Variants in VPS26A observed in about 807,000 individuals in gnomAD.
The protein encoded by VPS26A is VPS26 retromer complex component A, also known as vacuolar protein sorting-associated protein 26A.
In VPS26A, 22 loss-of-function variants were observed where a neutral mutation model predicts 42.4. The ratio of observed to expected loss-of-function variants is 0.52; its 90% CI spans 0.37 to 0.74. The LOEUF (loss-of-function observed/expected upper bound fraction) is 0.74. Among genes scored for constraint, VPS26A ranks in the 30% least tolerant of loss-of-function variants. The pLI is 0.00. For synonymous variants in VPS26A, 110 were observed against 123.5 expected (o/e 0.89, Z 0.73); for missense variants, 276 against 379.2 (o/e 0.73, Z 2.26).
At chr10:69,157,293 ATAC>A in intron 4 of VPS26A, 130 bp downstream of exon 4, 1 of 1,213,454 alleles carries the variant, frequency 8.2e-7, no homozygotes, top group Non-Finnish European at 1.1e-6. Flanking sequence ...ATTCTGTCAC[ATAC>A]TTTGGCTAAT....
At chr10:69,156,604 T>C (rs1841434126) in intron 3 of VPS26A, among the ~76,000 whole-genome samples, 1 of 152,136 alleles carries the variant, frequency 6.6e-6, no homozygotes, top group Non-Finnish European at 1.5e-5. Flanking sequence ...AGGCAAGTTG[T>C]AGTAATTGAT....
At chr10:69,132,553 CT>C (rs1209810821) in intron 1 of VPS26A, among the ~76,000 whole-genome samples, 1 of 151,740 alleles carries the variant, frequency 6.6e-6, no homozygotes, top group Non-Finnish European at 1.5e-5. Flanking sequence ...AGTGATTCCC[CT>C]GTCTCAGCCT....
intron 1 of VPS26A, among the ~76,000 whole-genome samples, chr10:69,124,525 C>G (rs769285982): frequency 5.1e-4 from 78 of 152,198 alleles, no homozygotes; most frequent in Non-Finnish European, 9.7e-4. Flanking sequence ...GGAGCCTCTG[C>G]CCGCGTTCTT....
At chr10:69,126,644 TCTTTC>T (rs1306590587) in intron 1 of VPS26A, among the ~76,000 whole-genome samples, 1 of 152,168 alleles carries the variant, frequency 6.6e-6, no homozygotes, top group African/African-American at 2.4e-5. Context: ...AATTTTATTC[TCTTTC>T]CTTCTAGTCT....
chr10:69,166,224 A>C (rs1445132739), intron 7 of VPS26A, 114 bp downstream of exon 7: 1 of 939,978 alleles, frequency 1.1e-6, no homozygotes, highest in Non-Finnish European at 1.6e-6. Context: ...CCATTCTTAC[A>C]ATGATAGCTT....
At chr10:69,155,991 G>A in intron 3 of VPS26A, 104 bp downstream of exon 3, 2 of 817,140 alleles carry the variant, frequency 2.4e-6, no homozygotes. Flanking sequence ...TTTGTAGAAG[G>A]AAGGAATTGA....
At chr10:69,156,547 A>G (rs1019727390) in intron 3 of VPS26A, among the ~76,000 whole-genome samples, 1 of 152,170 alleles carries the variant, frequency 6.6e-6, no homozygotes, top group African/African-American at 2.4e-5. Context: ...AGATATTTAT[A>G]TATCTGTTCT....
In VPS26A at chr10:69,150,040, T is replaced by G. The variant is rs961457250; in HGVS notation, c.154-5772T>G. On this transcript the variant is annotated intron_variant, in intron 2 of 8. Coordinates refer to ENST00000263559, the MANE Select transcript of VPS26A (RefSeq NM_004896.5). Reference sequence around the variant, plus strand: ...GATTACAGGCGTGAGCTACTGCACCTGGCCCTCATTTATTTTATTTTATTT... The same window carrying G: ...GATTACAGGCGTGAGCTACTGCACCGGGCCCTCATTTATTTTATTTTATTT... Among the ~76,000 whole-genome samples, 3 of 143,424 alleles carry G rather than the reference T, an allele frequency of 2.1e-5. No individual in the cohort carries two copies. The Admixed American group carries it at 2.1e-4, about 10-fold the overall frequency. 94.1% of individuals were successfully genotyped at this position (143,424 alleles called of 152,430 possible).
chr10:69,144,432 C>T (rs908142252), intron 2 of VPS26A, among the ~76,000 whole-genome samples: 4 of 150,674 alleles, frequency 2.7e-5, no homozygotes, highest in Non-Finnish European at 5.9e-5. Context: ...CTGGCACCTG[C>T]GCTACCACCA....
intron 2 of VPS26A, among the ~76,000 whole-genome samples, chr10:69,151,286 C>T (rs374335282): frequency 1.2e-5 from 1 of 84,956 alleles, no homozygotes; most frequent in Non-Finnish European, 2.3e-5. Context: ...AAAAAAAACA[C>T]ACACACACAC....
At chr10:69,145,855 AT>A (rs1383044041) in intron 2 of VPS26A, among the ~76,000 whole-genome samples, 2 of 151,954 alleles carry the variant, frequency 1.3e-5, no homozygotes, top group African/African-American at 4.8e-5. Context: ...ATTCCAGAAC[AT>A]TTTCACCACC....
chr10:69,133,156 T>A, intron 2 of VPS26A, 109 bp downstream of exon 2: 2 of 1,149,140 alleles, frequency 1.7e-6, no homozygotes, highest in Non-Finnish European at 2.4e-6. Context: ...GGAGAGAGAT[T>A]TTTTTTTCCC....
At chr10:69,131,259 T>C (rs921119245) in intron 1 of VPS26A, among the ~76,000 whole-genome samples, 2 of 152,170 alleles carry the variant, frequency 1.3e-5, no homozygotes, top group African/African-American at 4.8e-5. Flanking sequence ...GGATTACAAG[T>C]GTGAGCCAGC....
At chr10:69,154,733 A>T (rs904185947) in intron 2 of VPS26A, among the ~76,000 whole-genome samples, 3 of 151,754 alleles carry the variant, frequency 2.0e-5, no homozygotes, top group Non-Finnish European at 1.5e-5. Context: ...TGGTGTAGTT[A>T]TGCATCCCTA....
chr10:69,127,945 G>C (rs1271357695), intron 1 of VPS26A, among the ~76,000 whole-genome samples: 1 of 151,776 alleles, frequency 6.6e-6, no homozygotes, highest in Non-Finnish European at 1.5e-5. Flanking sequence ...TGATCCTCCT[G>C]CTTCAGCTTC....
intron 2 of VPS26A, among the ~76,000 whole-genome samples, chr10:69,146,222 G>A (rs1012703735): frequency 6.6e-6 from 1 of 152,106 alleles, no homozygotes; most frequent in African/African-American, 2.4e-5. Context: ...AGCCTTCCGA[G>A]TAGCTGGGAT....
Position 69,172,935 on chromosome 10 carries a change from G to T in VPS26A, c.*1666G>T. On this transcript the variant is annotated 3_prime_UTR_variant, in exon 9 of 9. Transcript: ENST00000263559. ...TCTCATTGTTAGATTTATTGTCGAG[G>T]ATAGGATTGTTCAATAGTTTAGGAA... 6.6e-6 allele frequency: 1 copy of T among 152,240 alleles called. No homozygotes were observed. The allele number at this position is 152,240 out of a possible 1,614,324, so 9.4% of individuals were successfully genotyped here. A position where few individuals can be genotyped will look rare whatever the true frequency, so the allele number is the denominator to read the frequency against.
intron 1 of VPS26A, among the ~76,000 whole-genome samples, chr10:69,125,324 T>C (rs1589339860): frequency 4.2e-5 from 2 of 47,952 alleles, no homozygotes; most frequent in Non-Finnish European, 1.8e-4. Flanking sequence ...TTCTTAGAGC[T>C]TTTTTTCTTT....
At chr10:69,126,583 A>T in intron 1 of VPS26A, among the ~76,000 whole-genome samples, 1 of 151,792 alleles carries the variant, frequency 6.6e-6, no homozygotes, top group Middle Eastern at 3.2e-3. Flanking sequence ...AAAAAAAAAA[A>T]AAAAATCTCA....
Sources: gnomAD v4.1 joint callset for allele counts (sites outside exome capture counted in the v4.1 genomes callset) on GRCh38, gnomAD v4.1.1 for gene constraint, MANE v1.5 for transcripts, NCBI Gene and HGNC (gene_info 2026-07-23, HGNC 2026-07-21) for gene names.